Variants in ABCB9 observed in about 807,000 individuals in gnomAD.
ABCB9 encodes ATP binding cassette subfamily B member 9.
Under a neutral mutation model 62.0 loss-of-function variants are expected in ABCB9, and 36 were observed. The ratio of observed to expected loss-of-function variants is 0.58; its 90% confidence interval spans 0.45 to 0.77. The LOEUF is 0.77. Ranked by LOEUF, ABCB9 falls within the 30% of genes least tolerant of loss-of-function variation. The probability of loss-of-function intolerance (pLI) is 0.00; values close to 1 mark genes in which losing one functional copy is unlikely to be tolerated. For synonymous variants in ABCB9, 435 were observed against 461.4 expected (o/e 0.94, Z 0.73); for missense variants, 943 against 1,054.7 (o/e 0.89, Z 1.47).
Position 122,964,379 on chromosome 12 carries a change from C to T in ABCB9, c.-88+1908G>A, listed in dbSNP as rs2037065972. Among the ~76,000 whole-genome samples, 2 of 152,190 alleles carry T rather than the reference C, an allele frequency of 1.3e-5. No homozygotes were observed. Among genetic ancestry groups the T allele is most frequent in the South Asian group, 4.1e-4 (2 of 4,836 alleles). On this transcript the variant is annotated intron_variant, in intron 1 of 11. Coordinates refer to ENST00000280560, the MANE Select transcript of ABCB9 (RefSeq NM_019625.4). This position sits in a 1 kb window ranked among gnomAD's most constrained non-coding sequence, Gnocchi z 4.7. Reference sequence around the variant, plus strand: ...CTCATATCGCAGACTACCAAAGCCACATTTTGCAGATGGGGAAACTGAGGC... The same window carrying T: ...CTCATATCGCAGACTACCAAAGCCATATTTTGCAGATGGGGAAACTGAGGC...
chr12:122,924,510 A>C, downstream of ABCB9: 1 of 915,600 alleles, frequency 1.1e-6, no homozygotes, highest in Non-Finnish European at 1.4e-6. Flanking sequence ...AATTACAGAC[A>C]TGGGCCTCTA....
intron 1 of ABCB9, among the ~76,000 whole-genome samples, chr12:122,974,030 C>T (rs1423199729): frequency 6.6e-6 from 1 of 152,116 alleles, no homozygotes; most frequent in Non-Finnish European, 1.5e-5. Flanking sequence ...GGGTGAAACT[C>T]TATCTCAAAA....
In ABCB9 at chr12:122,935,430, A is replaced by T; in HGVS notation, c.1745T>A (p.Ile582Asn). Residue 582 changes from isoleucine (I) to asparagine (N), a missense_variant and splice_region_variant, in exon 10 of 12, where the codon ATC becomes AAC. By Grantham distance (149) the Ile-to-Asn change is moderately radical (BLOSUM62 -3). Transcript: ENST00000280560. ...CACGGGCTCCTGGCTCACCAGGGAG[A>T]TCTGGGGAGGAGGGAGCATGGAGCA... is the stretch of plus-strand genomic sequence containing the variant. Reference protein sequence around the residue: ...AYDHKYLHRVISLVSQEPVLF... With the variant: ...AYDHKYLHRVNSLVSQEPVLF... The T allele has an allele frequency of 6.2e-7, 1 of 1,612,916 alleles. No homozygotes were observed. Among genetic ancestry groups the T allele is most frequent in the Non-Finnish European group, 8.5e-7 (1 of 1,179,570 alleles).
At chr12:122,961,472 G>A (rs1047821452) in intron 1 of ABCB9, among the ~76,000 whole-genome samples, 6 of 152,136 alleles carry the variant, frequency 3.9e-5, no homozygotes, top group African/African-American at 7.2e-5. Flanking sequence ...GATCAAAAGC[G>A]TGAGCCACTG....
downstream of ABCB9, chr12:122,924,532 A>G: frequency 8.6e-7 from 1 of 1,159,986 alleles, no homozygotes; most frequent in South Asian, 1.9e-5. Flanking sequence ...GCTCAGCTCA[A>G]ACATTTCTTT....
rs2037022749 is a variant in ABCB9 at position 122,963,564 on chromosome 12, TG to T, written c.-88+2722del. Among the ~76,000 whole-genome samples, 6 of 152,140 alleles carry T rather than the reference TG, an allele frequency of 3.9e-5. No homozygotes were observed. In the South Asian group the frequency reaches 1.2e-3, roughly 32 times the overall value. Reference sequence around the variant, plus strand: ...CACAGAGCTAGGTGACCCACAGAGTTGGGTCACAAGCTGGGATGTGAACCCT... The same window carrying T: ...CACAGAGCTAGGTGACCCACAGAGTTGGTCACAAGCTGGGATGTGAACCCT... On this transcript the variant is annotated intron_variant, in intron 1 of 11. Coordinates refer to ENST00000280560, the MANE Select transcript of ABCB9 (RefSeq NM_019625.4).
chr12:122,960,467 T>C, intron 1 of ABCB9, 145 bp from the exon 2 acceptor site: 1 of 587,106 alleles, frequency 1.7e-6, no homozygotes, highest in Non-Finnish European at 3.0e-6. Flanking sequence ...GGTACTAAGA[T>C]TCCACTCATT....
chr12:122,934,384 T>C (rs2035351226), intron 10 of ABCB9, among the ~76,000 whole-genome samples: 3 of 152,082 alleles, frequency 2.0e-5, no homozygotes, highest in Admixed American at 2.0e-4. Flanking sequence ...AAAGGGGCTA[T>C]TCGTGTGGTT....
At chr12:122,938,161 C>T (rs914096752) in intron 9 of ABCB9, among the ~76,000 whole-genome samples, 10 of 152,196 alleles carry the variant, frequency 6.6e-5, no homozygotes, top group Admixed American at 2.0e-4. Context: ...TACTCATGTA[C>T]AACAGAAAAC....
chr12:122,926,765 C>T (rs906858989), downstream of ABCB9, among the ~76,000 whole-genome samples: 1 of 151,084 alleles, frequency 6.6e-6, no homozygotes, highest in African/African-American at 2.4e-5. Flanking sequence ...CTGGGCATGG[C>T]GATGTGCACC....
Position 122,950,548 on chromosome 12 carries a change from A to AG in ABCB9, c.618dup (p.Tyr207LeufsTer8), listed in dbSNP as rs1418561718. ...CCATCAATGGCGCGGCCCGTGTAGTAGGGCAGGAAGGTCTCTCCTGGGGGA... is the reference window on the plus strand; with the variant it reads ...CCATCAATGGCGCGGCCCGTGTAGTAGGGGCAGGAAGGTCTCTCCTGGGGGA... On this transcript the variant is annotated frameshift_variant, in exon 3 of 12. Coordinates refer to ENST00000280560, the MANE Select transcript of ABCB9 (RefSeq NM_019625.4). LOFTEE classifies it high-confidence loss of function. The AG allele has an allele frequency of 1.2e-6, 2 of 1,612,366 alleles. No individual in the cohort carries two copies. The highest frequency in any genetic ancestry group is 1.7e-6 in the Non-Finnish European group (2 of 1,179,918).
At position 122,929,270 on chromosome 12, in the gene ABCB9, C is replaced by G; in HGVS notation, c.*641G>C. The G allele has an allele frequency of 1.0e-6, 1 of 986,040 alleles. No homozygotes were observed. The highest frequency in any genetic ancestry group is 1.2e-6 in the Non-Finnish European group (1 of 830,100). 61.1% of individuals were successfully genotyped at this position (986,040 alleles called of 1,614,324 possible). ...CCAGACCTGGCCAGCCCCTCACTCC[C>G]CCAGTTGAGGTTTCGTGTGGTTCAC... is the stretch of plus-strand genomic sequence containing the variant. On this transcript the variant is annotated 3_prime_UTR_variant, in exon 12 of 12. Coordinates refer to ENST00000280560, the MANE Select transcript of ABCB9 (RefSeq NM_019625.4). This position sits in a 1 kb window ranked among gnomAD's most constrained non-coding sequence, Gnocchi z 6.0.
rs2036303142 is a variant in ABCB9 at position 122,950,488 on chromosome 12, T to C, written c.679A>G (p.Thr227Ala). Residue 227 changes from threonine (T) to alanine (A), a missense_variant, in exon 3 of 12, where the codon ACG (threonine) becomes GCG (alanine). Coordinates refer to ENST00000280560, the MANE Select transcript of ABCB9 (RefSeq NM_019625.4). ...VIQKSMDQFS[T>A]AVVIVCLLAI... is the part of the protein sequence containing the mutation. ...AGCAGGCACACGATGACGACAGCCG[T>C]GCTGAACTGATCCATGCTTTTCTGG... The C allele has an allele frequency of 1.9e-6, 3 of 1,613,002 alleles. No homozygotes were observed. In the African/African-American group the frequency reaches 4.0e-5, roughly 22 times the overall value.
rs772448567 is a variant in ABCB9, at chr12:122,946,028, G to A, written c.1248C>T (p.Ser416=). 7.9e-5 allele frequency: 128 copies of A among 1,613,126 alleles called. No individual in the cohort carries two copies. The highest frequency in any genetic ancestry group is 1.1e-4 in the East Asian group (5 of 44,894). Residue 416 remains serine, a synonymous_variant, in exon 6 of 12, where the codon AGC becomes AGT. Coordinates refer to ENST00000280560, the MANE Select transcript of ABCB9 (RefSeq NM_019625.4). ...CTGCCTGGCCAGGGGCACGTACCCCGCTGCCCCAGACGTAGTACATGTAGG... is the reference window on the plus strand; with the variant it reads ...CTGCCTGGCCAGGGGCACGTACCCCACTGCCCCAGACGTAGTACATGTAGG... ...AAAYMYYVWG[S]GLTLLVVQVS... is the part of the protein sequence containing the mutation.
In ABCB9 at chr12:122,963,170, C is replaced by T. The variant is rs183665667; in HGVS notation, c.-87-2848G>A. Among the ~76,000 whole-genome samples the T allele has an allele frequency of 2.9e-4, 44 of 152,224 alleles. 1 individual carries two copies. The highest frequency in any genetic ancestry group is 2.4e-3 in the Admixed American group (37 of 15,282). On this transcript the variant is annotated intron_variant, in intron 1 of 11. Coordinates refer to ENST00000280560, the MANE Select transcript of ABCB9 (RefSeq NM_019625.4). ...AAAATTAGCCGAGCATGGTGGTGCA[C>T]GCCTGTAACCCCAGCAACTCAGGAG...
chr12:122,947,165 T>A lies in ABCB9; in HGVS notation c.1054-943A>T, dbSNP rs1339539117. 6.6e-6 allele frequency among the ~76,000 whole-genome samples: 1 copy of A among 151,772 alleles called. No individual in the cohort carries two copies. Among genetic ancestry groups the A allele is most frequent in the African/African-American group, 2.4e-5 (1 of 41,280 alleles). ...GCAGGGCCTGCAGTGCACACAGAGG[T>A]GGGGGCTGAGGGGGAGCTCCAGGGT... On this transcript the variant is annotated intron_variant, in intron 5 of 11. Coordinates refer to ENST00000280560, the MANE Select transcript of ABCB9 (RefSeq NM_019625.4). This position sits in a 1 kb window ranked among gnomAD's most constrained non-coding sequence, Gnocchi z 6.0.
intron 10 of ABCB9, among the ~76,000 whole-genome samples, chr12:122,933,643 A>G (rs893280876): frequency 6.6e-6 from 1 of 152,084 alleles, no homozygotes; most frequent in African/African-American, 2.4e-5. Context: ...TCAAAACACT[A>G]TTCTAAAATA....
chr12:122,973,489 G>A (rs1001007711), intron 1 of ABCB9, among the ~76,000 whole-genome samples: 1 of 141,016 alleles, frequency 7.1e-6, no homozygotes, highest in African/African-American at 2.7e-5. Flanking sequence ...GCGTGAACCC[G>A]GGAAGCGGAG....
At chr12:122,918,612 C>T (rs950854090), downstream of ABCB9, among the ~76,000 whole-genome samples, 2 of 151,868 alleles carry the variant, frequency 1.3e-5, no homozygotes, top group African/African-American at 4.8e-5. Context: ...GCACAGGCCA[C>T]CACGCACGAC....
Sources: gnomAD v4.1 joint callset for allele counts (sites outside exome capture counted in the v4.1 genomes callset) on GRCh38, gnomAD v4.1.1 for gene constraint, Gnocchi (gnomAD v3.1) non-coding constraint, MANE v1.5 for transcripts, NCBI Gene and HGNC (gene_info 2026-07-23, HGNC 2026-07-21) for gene names.